The following GPC6 variants were observed in gnomAD, a reference collection of about 807,000 sequenced individuals.
GPC6 encodes the protein glypican 6, also known as glypican-6.
Under a neutral mutation model 55.2 loss-of-function variants are expected in GPC6, and 14 were observed. The observed-to-expected ratio is 0.25, with a 90% CI of 0.17 to 0.40. The LOEUF (loss-of-function observed/expected upper bound fraction) is 0.40. Among genes scored for constraint, GPC6 ranks in the 10% least tolerant of loss-of-function variants. The pLI is 1.00. For synonymous variants in GPC6, 278 were observed against 259.6 expected (o/e 1.07, Z -0.68); for missense variants, 641 against 708.5 (o/e 0.90, Z 1.08).
intron 1 of GPC6, among the ~76,000 whole-genome samples, chr13:93,396,345 A>C (rs1197390035): frequency 6.6e-6 from 1 of 152,168 alleles, no homozygotes; most frequent in East Asian, 1.9e-4. Context: ...TGGGCGGATC[A>C]TGAGGTTAGG....
At chr13:94,089,224 C>T (rs1885393107) in intron 4 of GPC6, among the ~76,000 whole-genome samples, 1 of 152,158 alleles carries the variant, frequency 6.6e-6, no homozygotes, top group Admixed American at 6.6e-5. Context: ...ATCACCAAAC[C>T]TCTTGCAGAC....
At chr13:93,914,049 T>G (rs1312744700) in intron 3 of GPC6, among the ~76,000 whole-genome samples, 2 of 152,214 alleles carry the variant, frequency 1.3e-5, no homozygotes, top group African/African-American at 4.8e-5. Flanking sequence ...TAGTAAAATT[T>G]GTATCCTTTC....
intron 4 of GPC6, among the ~76,000 whole-genome samples, chr13:94,036,357 C>G (rs531257813): frequency 6.6e-6 from 1 of 151,832 alleles, no homozygotes; most frequent in Admixed American, 6.6e-5. Flanking sequence ...TAATTTGCTA[C>G]GCTAAGAATT....
chr13:94,176,179 C>G (rs770626725), intron 4 of GPC6, among the ~76,000 whole-genome samples: 11 of 151,762 alleles, frequency 7.2e-5, no homozygotes, highest in Non-Finnish European at 1.3e-4. Context: ...AATTTTTTTT[C>G]AATAAGACCC....
intron 1 of GPC6, among the ~76,000 whole-genome samples, chr13:93,244,792 C>G (rs904243245): frequency 2.0e-5 from 3 of 152,250 alleles, no homozygotes; most frequent in Middle Eastern, 3.4e-3. Context: ...TCACAGTATC[C>G]AAAGTTTCTT....
intron 1 of GPC6, among the ~76,000 whole-genome samples, chr13:93,275,872 T>TTTTTG (rs1226226614): frequency 5.9e-5 from 9 of 152,074 alleles, no homozygotes; most frequent in Admixed American, 3.3e-4. Context: ...CAGGATAATT[T>TTTTTG]TTTTGTTTTG....
At chr13:93,878,234 A>T (rs974278942) in intron 3 of GPC6, among the ~76,000 whole-genome samples, 3 of 152,066 alleles carry the variant, frequency 2.0e-5, no homozygotes, top group Non-Finnish European at 4.4e-5. Context: ...GTACAATAGT[A>T]CTAAAAGGTG....
At chr13:94,264,040 A>G (rs1215970983) in intron 4 of GPC6, among the ~76,000 whole-genome samples, 1 of 152,154 alleles carries the variant, frequency 6.6e-6, no homozygotes, top group Admixed American at 6.5e-5. Flanking sequence ...ACCTCCATCA[A>G]TAGGCATTGA....
At position 94,103,353 on chromosome 13, in the gene GPC6, G is replaced by C. The variant is rs902949276; in HGVS notation, c.877+75459G>C. Among the ~76,000 whole-genome samples, 4 of 152,218 alleles carry C rather than the reference G, an allele frequency of 2.6e-5. No individual in the cohort carries two copies. In the East Asian group the frequency reaches 7.7e-4, roughly 29 times the overall value. On this transcript the variant is annotated intron_variant, in intron 4 of 8. Transcript: ENST00000377047. ...ATAGCCCCGCAGTACAAATACATGT[G>C]CACGTGTCTTTATAGCACCATGATT...
intron 2 of GPC6, among the ~76,000 whole-genome samples, chr13:93,729,108 T>C (rs1172657243): frequency 3.3e-5 from 5 of 152,178 alleles, no homozygotes; most frequent in Admixed American, 1.3e-4. Context: ...TGGAACTGCT[T>C]ATATCTGCCT....
At chr13:94,212,475 A>C (rs1181666094) in intron 4 of GPC6, among the ~76,000 whole-genome samples, 1 of 152,214 alleles carries the variant, frequency 6.6e-6, no homozygotes, top group Admixed American at 6.5e-5. Flanking sequence ...GAAGTAAATA[A>C]ATTTCCCAAC....
intron 2 of GPC6, among the ~76,000 whole-genome samples, chr13:93,663,760 T>G (rs1881023411): frequency 6.6e-6 from 1 of 152,194 alleles, no homozygotes; most frequent in African/African-American, 2.4e-5. Context: ...GACAAGTCAC[T>G]TCATCTTTCT....
chr13:93,982,467 A>G (rs1464058930), intron 3 of GPC6, among the ~76,000 whole-genome samples: 1 of 152,218 alleles, frequency 6.6e-6, no homozygotes, highest in Non-Finnish European at 1.5e-5. Flanking sequence ...AGTGGTTTGT[A>G]TACTTGTATT....
chr13:93,994,774 G>A (rs1374295891), intron 3 of GPC6, among the ~76,000 whole-genome samples: 1 of 152,160 alleles, frequency 6.6e-6, no homozygotes, highest in Non-Finnish European at 1.5e-5. Context: ...CACGTTCATA[G>A]TTTTGGTACA....
chr13:93,817,847 G>T (rs1886908221), intron 2 of GPC6, among the ~76,000 whole-genome samples: 1 of 147,442 alleles, frequency 6.8e-6, no homozygotes, highest in Admixed American at 7.0e-5. Flanking sequence ...GACAGAGTGA[G>T]ACCCTGTTTC....
At chr13:93,587,607 A>G (rs1877265633) in intron 2 of GPC6, among the ~76,000 whole-genome samples, 1 of 152,030 alleles carries the variant, frequency 6.6e-6, no homozygotes. Context: ...TGACCACAAA[A>G]TGCTCCTTTT....
At chr13:93,712,588 T>C (rs972054075) in intron 2 of GPC6, among the ~76,000 whole-genome samples, 1 of 151,734 alleles carries the variant, frequency 6.6e-6, no homozygotes, top group African/African-American at 2.4e-5. Context: ...GTGCCCCTTA[T>C]ATGTATGATC....
chr13:93,351,042 A>G (rs922707313), intron 1 of GPC6, among the ~76,000 whole-genome samples: 1 of 152,202 alleles, frequency 6.6e-6, no homozygotes, highest in Non-Finnish European at 1.5e-5. Context: ...TAACAACAGT[A>G]ATAAACACAT....
intron 2 of GPC6, among the ~76,000 whole-genome samples, chr13:93,774,150 G>T (rs925453188): frequency 6.6e-6 from 1 of 152,194 alleles, no homozygotes; most frequent in East Asian, 1.9e-4. Flanking sequence ...TTCCAGATAT[G>T]TATAGACCAA....
Sources: gnomAD v4.1 joint callset for allele counts (sites outside exome capture counted in the v4.1 genomes callset) on GRCh38, gnomAD v4.1.1 for gene constraint, MANE v1.5 for transcripts, NCBI Gene and HGNC (gene_info 2026-07-23, HGNC 2026-07-21) for gene names.